The following IGFL2 variants were observed in gnomAD, a reference collection of about 807,000 sequenced individuals.
IGFL2 encodes insulin growth factor-like family member 2.
Under a neutral mutation model 13.9 loss-of-function variants are expected in IGFL2, and 7 were observed. The ratio of observed to expected loss-of-function variants is 0.51; its 90% CI spans 0.29 to 0.95. IGFL2 has a LOEUF of 0.95. Ranked by LOEUF, IGFL2 falls within the 40% of genes least tolerant of loss-of-function variation. IGFL2 has a pLI of 0.08. For missense variants in IGFL2, 138 were observed against 147.8 expected (o/e 0.93, Z 0.34); for synonymous variants, 55 against 55.8 (o/e 0.99, Z 0.07).
chr19:46,170,777 C>G, the IGFL2 span, among the ~76,000 whole-genome samples: 1 of 152,146 alleles, frequency 6.6e-6, no homozygotes, highest in Non-Finnish European at 1.5e-5. Flanking sequence ...TGCAGCACCC[C>G]CAGGCTTGCT....
the IGFL2 span, among the ~76,000 whole-genome samples, chr19:46,183,650 C>T: frequency 6.6e-6 from 1 of 151,872 alleles, no homozygotes; most frequent in East Asian, 1.9e-4. Flanking sequence ...ATTCTCCTGT[C>T]TCAGCCTTCC....
the IGFL2 span, among the ~76,000 whole-genome samples, chr19:46,176,009 ATTTTTTTTT>A: frequency 1.7e-4 from 12 of 71,894 alleles, no homozygotes; most frequent in Admixed American, 5.5e-4. Context: ...CGCCCGACTA[ATTTTTTTTT>A]TTTTTTTTTT....
At chr19:46,203,884 T>G in the IGFL2 span, among the ~76,000 whole-genome samples, 1 of 152,020 alleles carries the variant, frequency 6.6e-6, no homozygotes, top group Admixed American at 6.5e-5. Context: ...ACCCAGCTAA[T>G]TTTTGTATTT....
chr19:46,192,172 C>T, the IGFL2 span, among the ~76,000 whole-genome samples: 1 of 152,186 alleles, frequency 6.6e-6, no homozygotes, highest in Non-Finnish European at 1.5e-5. Flanking sequence ...GGTGCAGGTG[C>T]CCTGTGGCTA....
the IGFL2 span, among the ~76,000 whole-genome samples, chr19:46,092,317 T>TC: frequency 6.6e-6 from 1 of 152,032 alleles, no homozygotes; most frequent in African/African-American, 2.4e-5. Flanking sequence ...ACAGCACCAC[T>TC]CCTGGCTAAT....
chr19:46,099,025 G>T, the IGFL2 span, among the ~76,000 whole-genome samples: 1 of 152,094 alleles, frequency 6.6e-6, no homozygotes, highest in Non-Finnish European at 1.5e-5. Context: ...TGGTGGTGAT[G>T]AATTCTCTCA....
the IGFL2 span, chr19:46,137,688 CGGCTTCAG>C: frequency 1.8e-6 from 1 of 544,738 alleles, no homozygotes. Context: ...CCTTGGTCCC[CGGCTTCAG>C]GGAGAGGGTT....
downstream of IGFL2, chr19:46,164,124 G>A (rs1247706388): frequency 2.7e-5 from 4 of 149,698 alleles, no homozygotes; most frequent in African/African-American, 7.4e-5. Context: ...ATACTCTGAG[G>A]CCTGAAGGCT....
the IGFL2 span, chr19:46,120,202 A>C: frequency 7.1e-7 from 1 of 1,402,572 alleles, no homozygotes; most frequent in East Asian, 2.6e-5. Context: ...TCCTCTCCAA[A>C]GCTATGTCAT....
At chr19:46,199,016 G>A in the IGFL2 span, among the ~76,000 whole-genome samples, 1 of 152,214 alleles carries the variant, frequency 6.6e-6, no homozygotes, top group Non-Finnish European at 1.5e-5. Flanking sequence ...GCCCAGCTCT[G>A]CCAGCCCCAC....
chr19:46,109,657 C>G, the IGFL2 span, among the ~76,000 whole-genome samples: 2 of 151,914 alleles, frequency 1.3e-5, no homozygotes, highest in Non-Finnish European at 2.9e-5. Flanking sequence ...TTACAAAGTA[C>G]CTTGTTAAGG....
chr19:46,138,214 A>T (rs979839880), upstream of IGFL2, among the ~76,000 whole-genome samples: 3 of 152,220 alleles, frequency 2.0e-5, no homozygotes, highest in African/African-American at 7.2e-5. Flanking sequence ...ACATTCTTTG[A>T]TGCCCTTGAG....
At chr19:46,080,744 C>T in the IGFL2 span, among the ~76,000 whole-genome samples, 4 of 152,128 alleles carry the variant, frequency 2.6e-5, no homozygotes, top group Non-Finnish European at 5.9e-5. Flanking sequence ...ACAGTGTTGA[C>T]TAGGAAAAGG....
chr19:46,091,846 A>T, the IGFL2 span, among the ~76,000 whole-genome samples: 1 of 152,236 alleles, frequency 6.6e-6, no homozygotes, highest in African/African-American at 2.4e-5. Flanking sequence ...AAGCATTTTT[A>T]AAAAATGAAC....
upstream of IGFL2, among the ~76,000 whole-genome samples, chr19:46,141,356 CTG>C (rs1231169641): frequency 6.6e-6 from 1 of 152,206 alleles, no homozygotes; most frequent in Non-Finnish European, 1.5e-5. Flanking sequence ...GCAGTGGTGA[CTG>C]TGATAGTCCC....
the IGFL2 span, among the ~76,000 whole-genome samples, chr19:46,199,493 G>A: frequency 2.0e-5 from 3 of 152,146 alleles, no homozygotes; most frequent in Non-Finnish European, 2.9e-5. Flanking sequence ...TTGACACCTG[G>A]AGAAGGGGCA....
At chr19:46,106,539 G>A in the IGFL2 span, among the ~76,000 whole-genome samples, 1 of 152,180 alleles carries the variant, frequency 6.6e-6, no homozygotes, top group East Asian at 1.9e-4. Flanking sequence ...GCATGTTTCA[G>A]ATCCAGAACA....
At chr19:46,132,037 G>C in the IGFL2 span, among the ~76,000 whole-genome samples, 4 of 152,172 alleles carry the variant, frequency 2.6e-5, no homozygotes, top group Non-Finnish European at 5.9e-5. Context: ...TTTTACATTA[G>C]TATTAAAGAT....
the IGFL2 span, among the ~76,000 whole-genome samples, chr19:46,103,851 G>A: frequency 6.6e-6 from 1 of 152,168 alleles, no homozygotes; most frequent in Non-Finnish European, 1.5e-5. Context: ...GGGAAGTAGG[G>A]TTGAGTACTT....
Sources: gnomAD v4.1 joint callset for allele counts (sites outside exome capture counted in the v4.1 genomes callset) on GRCh38, gnomAD v4.1.1 for gene constraint, MANE v1.5 for transcripts, NCBI Gene and HGNC (gene_info 2026-07-23, HGNC 2026-07-21) for gene names.